DEAF1: variants seen among roughly 807,000 people sequenced by gnomAD.
The protein encoded by DEAF1 is deformed epidermal autoregulatory factor 1 homolog.
DEAF1 carries 53 observed loss-of-function variants against 58.9 expected under a neutral mutation model. The observed-to-expected ratio is 0.90, with a 90% confidence interval of 0.72 to 1.13. DEAF1 has a LOEUF of 1.13. DEAF1 is among the 50% of genes most tolerant of loss of function. The probability of loss-of-function intolerance (pLI) is 0.00; values close to 1 mark genes in which losing one functional copy is unlikely to be tolerated. For synonymous variants in DEAF1, 385 were observed against 340.4 expected, an observed-to-expected ratio of 1.13 and a Z score of -1.44; for missense variants, 685 against 791.4, an observed-to-expected ratio of 0.87 and a Z score of 1.61.
chr11:644,326 G>C lies in DEAF1; in HGVS notation c.*224C>G. Reference sequence around the variant, plus strand: ...CAAGACCGGACGCTCATGATCCCAGGGATAAAAAATCTGTCCGCGAGCGGG... The same window carrying C: ...CAAGACCGGACGCTCATGATCCCAGCGATAAAAAATCTGTCCGCGAGCGGG... On this transcript the variant is annotated 3_prime_UTR_variant, in exon 12 of 12. Transcript: ENST00000382409. The surrounding 1 kb of genome is among the most constrained non-coding windows in gnomAD (Gnocchi z 4.3). 3 of 612,654 alleles carry C rather than the reference G, an allele frequency of 4.9e-6. No individual in the cohort carries two copies. The East Asian group carries it at 8.3e-5, about 17-fold the overall frequency. The allele number at this position is 612,654 out of a possible 1,614,324, so 38.0% of individuals were successfully genotyped here. A position where few individuals can be genotyped will look rare whatever the true frequency, so the allele number is the denominator to read the frequency against.
intron 11 of DEAF1, among the ~76,000 whole-genome samples, chr11:647,461 A>G (rs1454499380): frequency 6.6e-6 from 1 of 152,210 alleles, no homozygotes; most frequent in Non-Finnish European, 1.5e-5. Context: ...TCTCAAAAAC[A>G]GAAACAAAAC....
rs1564944228 is a variant in DEAF1 at position 679,779 on chromosome 11, C to T, written c.1035G>A (p.Gly345=). ...TGGACGCTCGGTCAAAGGTCAGTGC[C>T]CCCGAGGTCGTGATCTGTCCCGAGG... is the stretch of plus-strand genomic sequence containing the variant. ...VTPSGQITTS[G]ALTFDRASTV... The change falls in exon 8 of 12, where the codon GGG becomes GGA. Residue 345 remains glycine (G), a synonymous_variant. Coordinates refer to ENST00000382409, the MANE Select transcript of DEAF1 (RefSeq NM_021008.4). 1 of 1,613,904 alleles carries T rather than the reference C, an allele frequency of 6.2e-7. No individual in the cohort carries two copies. The highest frequency in any genetic ancestry group is 8.5e-7 in the Non-Finnish European group (1 of 1,180,048).
At chr11:648,815 AGAATT>A (rs1008273192) in intron 11 of DEAF1, among the ~76,000 whole-genome samples, 3 of 152,238 alleles carry the variant, frequency 2.0e-5, no homozygotes, top group African/African-American at 4.8e-5. Context: ...GTTCAACAAA[AGAATT>A]GAAGTGGTAC....
At chr11:686,770 T>TG in intron 5 of DEAF1, 88 bp downstream of exon 5, 2 of 1,580,552 alleles carry the variant, frequency 1.3e-6, no homozygotes, top group Admixed American at 1.7e-5. Flanking sequence ...TCTGACCCCG[T>TG]GGTCTGTGCC....
chr11:695,945 GC>G, upstream of DEAF1: 1 of 953,868 alleles, frequency 1.0e-6, no homozygotes, highest in Non-Finnish European at 1.4e-6. Flanking sequence ...CGCTCACGGG[GC>G]CGTGCCACCG....
Position 650,021 on chromosome 11 carries a change from TAAAAAACAAAAA to T in DEAF1, c.1593+3929_1593+3940del, listed in dbSNP as rs1039689145. ...AGCCTGGCGACAGAGTGAGATTGTC[TAAAAAACAAAAA>T]CAAAAACAAAAACAAAAACAAAACA... On this transcript the variant is annotated intron_variant, in intron 11 of 11. Coordinates refer to ENST00000382409, the MANE Select transcript of DEAF1 (RefSeq NM_021008.4). 2.0e-5 allele frequency among the ~76,000 whole-genome samples: 3 copies of T among 146,988 alleles called. 1 individual carries two copies. Among genetic ancestry groups the T allele is most frequent in the South Asian group, 2.2e-4 (1 of 4,492 alleles).
chr11:700,125 C>G, upstream of DEAF1: 3 of 1,611,620 alleles, frequency 1.9e-6, no homozygotes, highest in Non-Finnish European at 2.5e-6. Flanking sequence ...GCTTGAGGAT[C>G]CTTAACCACT....
chr11:670,401 CT>C (rs56358451), intron 10 of DEAF1, among the ~76,000 whole-genome samples: 12,516 of 143,714 alleles, frequency 0.087, 1,030 homozygotes, highest in African/African-American at 0.23. Flanking sequence ...TGGAAGTATA[CT>C]TTTTTTTTTT....
chr11:675,568 A>T (rs1354338647), intron 9 of DEAF1, among the ~76,000 whole-genome samples: 1 of 152,186 alleles, frequency 6.6e-6, no homozygotes, highest in African/African-American at 2.4e-5. Context: ...CACACCTGTA[A>T]TCCCAGCACT....
chr11:685,680 G>A (rs892950148), intron 5 of DEAF1, among the ~76,000 whole-genome samples: 2 of 152,006 alleles, frequency 1.3e-5, no homozygotes, highest in Non-Finnish European at 2.9e-5. Context: ...GGGCAACAGA[G>A]GGAGGCCTTT....
intron 10 of DEAF1, among the ~76,000 whole-genome samples, chr11:656,278 C>CT (rs1859052083): frequency 6.6e-6 from 1 of 151,986 alleles, no homozygotes; most frequent in Non-Finnish European, 1.5e-5. Context: ...ACCTTAGCCT[C>CT]TCAAGTAGCT....
At chr11:687,541 G>C (rs553715028) in intron 4 of DEAF1, among the ~76,000 whole-genome samples, 10 of 152,354 alleles carry the variant, frequency 6.6e-5, no homozygotes, top group Middle Eastern at 6.8e-3. Context: ...CCAGGATGGA[G>C]TGCAGTGGCG....
intron 1 of DEAF1, among the ~76,000 whole-genome samples, chr11:693,865 AAGCCCGACAGGAAGCGGGGCAG>A (rs1860951899): frequency 6.6e-6 from 1 of 152,260 alleles, no homozygotes; most frequent in Non-Finnish European, 1.5e-5. Flanking sequence ...TCCCCAAAGG[AAGCCCGACAGGAAGCGGGGCAG>A]GAGGAGCAGG....
At chr11:689,204 T>C (rs965213844) in intron 2 of DEAF1, among the ~76,000 whole-genome samples, 759 of 17,094 alleles carry the variant, frequency 0.044, 6 homozygotes, top group African/African-American at 0.17. Flanking sequence ...TTCTTTTTCT[T>C]TTTTTTTTTT....
At position 678,716 on chromosome 11, in the gene DEAF1, C is replaced by T. The variant is rs112833926; in HGVS notation, c.1233G>A (p.Leu411=). Residue 411 remains leucine (L), a synonymous_variant, in exon 9 of 12, where the codon TTG becomes TTA. Transcript: ENST00000382409. ...TACCTATTTTGGGATGTGACGTTGGCAACGCAGCTTCTGGAAACGGTGCGA... is the reference window on the plus strand; with the variant it reads ...TACCTATTTTGGGATGTGACGTTGGTAACGCAGCTTCTGGAAACGGTGCGA... ...CQIAPFPEAA[L]PTSHPKIVLT... is the part of the protein sequence containing the mutation. 1.2e-6 allele frequency: 2 copies of T among 1,614,174 alleles called. No homozygotes were observed. The highest frequency in any genetic ancestry group is 8.5e-7 in the Non-Finnish European group (1 of 1,180,018).
chr11:691,681 A>G (rs1860841732), intron 1 of DEAF1, 83 bp from the exon 2 acceptor site: 2 of 1,187,776 alleles, frequency 1.7e-6, no homozygotes, highest in Admixed American at 1.9e-5. Context: ...GCTTCAAACA[A>G]AGTGACTCCC....
intron 9 of DEAF1, among the ~76,000 whole-genome samples, chr11:677,800 A>C (rs1209907518): frequency 6.7e-6 from 1 of 148,840 alleles, no homozygotes; most frequent in Non-Finnish European, 1.5e-5. Flanking sequence ...TAAAAATACA[A>C]TAACAAAAAA....
At chr11:676,969 C>G (rs1240581515) in intron 9 of DEAF1, among the ~76,000 whole-genome samples, 2 of 152,192 alleles carry the variant, frequency 1.3e-5, no homozygotes, top group Non-Finnish European at 2.9e-5. Context: ...CTTCTGCCCA[C>G]CAAGGGCACC....
At chr11:667,958 A>G (rs1019634566) in intron 10 of DEAF1, among the ~76,000 whole-genome samples, 2 of 151,742 alleles carry the variant, frequency 1.3e-5, no homozygotes, top group African/African-American at 2.4e-5. Context: ...CCAAAAATAC[A>G]AAAATTAGCT....
Sources: allele counts gnomAD v4.1 joint callset (sites outside exome capture counted in the v4.1 genomes callset), GRCh38; gene constraint gnomAD v4.1.1; non-coding constraint Gnocchi (gnomAD v3.1); transcripts MANE v1.5; gene names NCBI Gene and HGNC (gene_info 2026-07-23, HGNC 2026-07-21).